The following RPA2 variants were observed in gnomAD, a reference collection of about 807,000 sequenced individuals.
RPA2 encodes replication protein A 32 kDa subunit.
Under a neutral mutation model 33.4 loss-of-function variants are expected in RPA2, and 22 were observed. The observed-to-expected ratio is 0.66, with a 90% CI of 0.47 to 0.94. The LOEUF is 0.94. Among genes scored for constraint, RPA2 ranks in the 40% least tolerant of loss-of-function variants. The pLI is 0.00. For missense variants in RPA2, 279 were observed against 329.9 expected (o/e 0.85, Z 1.19); for synonymous variants, 109 against 114.9 (o/e 0.95, Z 0.33).
chr1:27,907,410 G>A, intron 2 of RPA2, 128 bp from the exon 3 acceptor site: 1 of 785,178 alleles, frequency 1.3e-6, no homozygotes, highest in Middle Eastern at 2.5e-4. Flanking sequence ...CATTATCCTT[G>A]CTTCAGAGAG....
At chr1:27,907,429 C>T in intron 2 of RPA2, 147 bp from the exon 3 acceptor site, 3 of 719,056 alleles carry the variant, frequency 4.2e-6, no homozygotes, top group Non-Finnish European at 6.8e-6. Context: ...AGATGGAAAC[C>T]AAGGTCATAT....
intron 6 of RPA2, 131 bp downstream of exon 6, chr1:27,896,874 G>C: frequency 3.3e-6 from 2 of 610,034 alleles, no homozygotes; most frequent in South Asian, 4.4e-5. Context: ...AATGGAGAAA[G>C]TGTTCTGAGG....
At chr1:27,893,872 G>C in intron 8 of RPA2, 140 bp downstream of exon 8, 1 of 634,590 alleles carries the variant, frequency 1.6e-6, no homozygotes, top group Non-Finnish European at 2.7e-6. Context: ...GCCTCCCAAA[G>C]TGCTGAGATT....
At chr1:27,893,236 C>A (rs546254760) in intron 8 of RPA2, among the ~76,000 whole-genome samples, 1 of 152,156 alleles carries the variant, frequency 6.6e-6, no homozygotes, top group Non-Finnish European at 1.5e-5. Context: ...TGGGTAGCAC[C>A]ATTTTGGCCC....
chr1:27,908,616 C>T (rs1489746451), intron 2 of RPA2, among the ~76,000 whole-genome samples: 7 of 151,782 alleles, frequency 4.6e-5, no homozygotes, highest in South Asian at 2.1e-4. Flanking sequence ...CTGTCTCAGC[C>T]CCCCCGAGTA....
intron 5 of RPA2, 53 bp from the exon 6 acceptor site, chr1:27,897,174 C>G: frequency 8.3e-7 from 1 of 1,203,134 alleles, no homozygotes; most frequent in Non-Finnish European, 1.2e-6. Flanking sequence ...ACATTAATTT[C>G]AGGTCAACAC....
chr1:27,907,083 C>G, intron 3 of RPA2, 42 bp from the exon 4 acceptor site: 5 of 1,557,726 alleles, frequency 3.2e-6, no homozygotes, highest in Non-Finnish European at 4.4e-6. Flanking sequence ...AGGTCTGGTT[C>G]CCCCTGAAAC....
chr1:27,914,224 C>T (rs1371510029), intron 1 of RPA2, 55 bp from the exon 2 acceptor site: 2 of 1,607,958 alleles, frequency 1.2e-6, no homozygotes, highest in African/African-American at 1.3e-5. Flanking sequence ...TCCGAGAAAC[C>T]CGCAGGCTCC....
chr1:27,896,875 T>G (rs955536096), intron 6 of RPA2, 130 bp downstream of exon 6: 57 of 609,284 alleles, frequency 9.4e-5, no homozygotes, highest in Non-Finnish European at 1.6e-4. Context: ...ATGGAGAAAG[T>G]GTTCTGAGGA....
intron 2 of RPA2, among the ~76,000 whole-genome samples, chr1:27,908,140 G>A (rs2090054005): frequency 1.3e-5 from 2 of 151,830 alleles, no homozygotes; most frequent in African/African-American, 4.8e-5. Flanking sequence ...GCCAAATTTT[G>A]TTTTGAGATG....
Position 27,891,962 on chromosome 1 carries a change from A to G in RPA2, c.*201T>C, listed in dbSNP as rs2089829000. The G allele has an allele frequency of 4.0e-6, 2 of 500,952 alleles. No homozygotes were observed. Among genetic ancestry groups the G allele is most frequent in the Non-Finnish European group, 7.2e-6 (2 of 277,118 alleles). The allele number at this position is 500,952 out of a possible 1,614,324, so 31.0% of individuals were successfully genotyped here. ...CCCACCCTGGATTGCATCCCTGTCA[A>G]TTGCCCATCTCCCTCTGAGCTTCAA... On this transcript the variant is annotated 3_prime_UTR_variant, in exon 9 of 9. Transcript: ENST00000373912.
At position 27,894,403 on chromosome 1, in the gene RPA2, TTAAGAAA is replaced by T. The variant is rs752050662; in HGVS notation, c.526-13_526-7del. The T allele has an allele frequency of 1.2e-5, 20 of 1,608,666 alleles. No homozygotes were observed. The highest frequency in any genetic ancestry group is 2.7e-5 in the African/African-American group (2 of 74,750). ...GGTGCTCTCCCTGCTGAGGGCTGAA[TTAAGAAA>T]TAAGTTAGCAATATTAGAAAATCCA... On this transcript the variant is annotated splice_polypyrimidine_tract_variant and splice_region_variant and intron_variant, in intron 6 of 8. Coordinates refer to ENST00000373912, the MANE Select transcript of RPA2 (RefSeq NM_002946.5).
intron 4 of RPA2, 151 bp downstream of exon 4, chr1:27,906,777 A>T: frequency 1.7e-6 from 1 of 583,414 alleles, no homozygotes; most frequent in East Asian, 2.8e-5. Flanking sequence ...GAAGGTATAT[A>T]GTCAAATCTA....
intron 2 of RPA2, among the ~76,000 whole-genome samples, chr1:27,910,332 CCT>C (rs1015009979): frequency 1.3e-5 from 2 of 152,108 alleles, no homozygotes; most frequent in Non-Finnish European, 2.9e-5. Flanking sequence ...AATATTATTA[CCT>C]CTCAGGTAAA....
intron 2 of RPA2, among the ~76,000 whole-genome samples, chr1:27,913,144 G>C (rs2090121050): frequency 6.6e-6 from 1 of 151,600 alleles, no homozygotes; most frequent in Non-Finnish European, 1.5e-5. Context: ...GTAGAGACGA[G>C]GTTTCACCAT....
At chr1:27,913,529 G>A (rs921562623) in intron 2 of RPA2, among the ~76,000 whole-genome samples, 3 of 151,522 alleles carry the variant, frequency 2.0e-5, no homozygotes, top group Middle Eastern at 3.4e-3. Flanking sequence ...CGGAGGTTGC[G>A]GGGAGCCGAG....
chr1:27,911,963 G>T (rs1238235858), intron 2 of RPA2, among the ~76,000 whole-genome samples: 1 of 151,894 alleles, frequency 6.6e-6, no homozygotes, highest in East Asian at 1.9e-4. Context: ...GTGTGGTGGC[G>T]GGCGCCTGTA....
At chr1:27,893,969 G>C (rs748955359) in intron 8 of RPA2, 43 bp downstream of exon 8, 3 of 1,524,338 alleles carry the variant, frequency 2.0e-6, no homozygotes, top group Non-Finnish European at 2.7e-6. Context: ...AGGTGAAATA[G>C]GTACAATGCC....
chr1:27,894,149 C>T (rs778323029), intron 7 of RPA2, 43 bp from the exon 8 acceptor site: 10 of 1,581,114 alleles, frequency 6.3e-6, no homozygotes. Flanking sequence ...TATTTTGGAT[C>T]AGCCTCCCCT....
Sources: allele counts gnomAD v4.1 joint callset (sites outside exome capture counted in the v4.1 genomes callset), GRCh38; gene constraint gnomAD v4.1.1; transcripts MANE v1.5; gene names NCBI Gene and HGNC (gene_info 2026-07-23, HGNC 2026-07-21).